BPIFC: variants seen among roughly 807,000 people sequenced by gnomAD.
BPIFC encodes the protein BPI fold-containing family C protein.
BPIFC carries 60 observed loss-of-function variants against 57.6 expected under a neutral mutation model. That is an observed-to-expected ratio of 1.04 (90% CI 0.85 to 1.29). BPIFC has a LOEUF of 1.29. BPIFC is among the 50% of genes most tolerant of loss of function. The probability of loss-of-function intolerance (pLI) is 0.00; values close to 1 mark genes in which losing one functional copy is unlikely to be tolerated. For synonymous variants in BPIFC, 243 were observed against 224.5 expected, an observed-to-expected ratio of 1.08 and a Z score of -0.74; for missense variants, 581 against 600.5, an observed-to-expected ratio of 0.97 and a Z score of 0.34.
At chr22:32,450,067 C>A (rs1411595581) in intron 4 of BPIFC, among the ~76,000 whole-genome samples, 2 of 150,082 alleles carry the variant, frequency 1.3e-5, no homozygotes, top group Non-Finnish European at 3.0e-5. Context: ...GGATGCTGAG[C>A]AGTGGAATTG....
chr22:32,459,912 G>A (rs1935128516), intron 2 of BPIFC, among the ~76,000 whole-genome samples: 1 of 151,992 alleles, frequency 6.6e-6, no homozygotes, highest in Admixed American at 6.6e-5. Context: ...TTAGATAGAG[G>A]GAGGGGTCAG....
At chr22:32,457,559 G>A (rs145971259) in intron 2 of BPIFC, among the ~76,000 whole-genome samples, 173 bp from the exon 3 acceptor site, 82 of 148,904 alleles carry the variant, frequency 5.5e-4, no homozygotes, top group African/African-American at 1.9e-3. Context: ...CCATCCATCC[G>A]TCCATCCATC....
chr22:32,420,939 C>T (rs898922694), intron 13 of BPIFC, among the ~76,000 whole-genome samples: 1 of 152,142 alleles, frequency 6.6e-6, no homozygotes, highest in African/African-American at 2.4e-5. Flanking sequence ...AGAACTGTGC[C>T]TAGCATATCC....
At chr22:32,461,527 C>T in intron 2 of BPIFC, 47 bp downstream of exon 2, 1 of 948,564 alleles carries the variant, frequency 1.1e-6, no homozygotes, top group Non-Finnish European at 1.3e-6. Context: ...TCCTGAGAGG[C>T]AGAGTGACAG....
intron 13 of BPIFC, among the ~76,000 whole-genome samples, chr22:32,423,720 C>T (rs1269599420): frequency 2.0e-5 from 3 of 151,234 alleles, no homozygotes; most frequent in South Asian, 2.1e-4. Flanking sequence ...TCAACAGTAA[C>T]GTACATCTGA....
intron 2 of BPIFC, among the ~76,000 whole-genome samples, chr22:32,457,737 T>C (rs1296131855): frequency 1.3e-5 from 2 of 152,208 alleles, no homozygotes; most frequent in Non-Finnish European, 2.9e-5. Context: ...GTAGTGAATA[T>C]GCATCCTTCA....
chr22:32,423,577 G>GGGGGGTGTGTGTGT (rs1556036074), intron 13 of BPIFC, among the ~76,000 whole-genome samples: 19 of 143,198 alleles, frequency 1.3e-4, no homozygotes, highest in African/African-American at 4.5e-4. Context: ...GTAGGGTGTG[G>GGGGGGTGTGTGTGT]GTGTGTGTGT....
intron 10 of BPIFC, among the ~76,000 whole-genome samples, chr22:32,434,160 A>G (rs1934324411): frequency 6.7e-6 from 1 of 149,412 alleles, no homozygotes; most frequent in African/African-American, 2.4e-5. Context: ...TATTCTTTAT[A>G]TATATATTAC....
At chr22:32,422,570 G>A (rs887143818) in intron 13 of BPIFC, among the ~76,000 whole-genome samples, 1 of 152,100 alleles carries the variant, frequency 6.6e-6, no homozygotes, top group African/African-American at 2.4e-5. Flanking sequence ...AGCCAGGCAT[G>A]GTGGCACGTG....
intron 13 of BPIFC, among the ~76,000 whole-genome samples, chr22:32,429,307 C>T (rs1046576588): frequency 6.1e-5 from 9 of 147,766 alleles, no homozygotes; most frequent in East Asian, 4.2e-4. Flanking sequence ...CCCGAGTTCA[C>T]GCCATTGTCT....
At chr22:32,454,595 C>T (rs1030019704) in intron 3 of BPIFC, among the ~76,000 whole-genome samples, 1 of 152,194 alleles carries the variant, frequency 6.6e-6, no homozygotes, top group Non-Finnish European at 1.5e-5. Context: ...TACTTTCACC[C>T]TTTTCAAGGA....
At position 32,445,962 on chromosome 22, in the gene BPIFC, C is replaced by A; in HGVS notation, c.409G>T (p.Gly137Ter). The A allele has an allele frequency of 6.2e-7, 1 of 1,614,056 alleles. No individual in the cohort carries two copies. The highest frequency in any genetic ancestry group is 1.1e-5 in the South Asian group (1 of 91,070). ...DTGGADLFLS[G>*]VYFTGIIILT... ...ATAATGATACCGGTAAAGTAGACTC[C>A]GGAGAGAAACAGATCAGCCCCTCCT... is the stretch of plus-strand genomic sequence containing the variant. Residue 137 changes from glycine (G) to a stop codon, truncating the protein, a stop_gained, in exon 6 of 17, where the codon GGA (glycine) becomes TGA (stop). Coordinates refer to ENST00000300399, the MANE Select transcript of BPIFC (RefSeq NM_174932.3). LOFTEE classifies it high-confidence loss of function.
intron 15 of BPIFC, among the ~76,000 whole-genome samples, chr22:32,416,270 A>G (rs761653634): frequency 1.3e-4 from 19 of 151,978 alleles, no homozygotes; most frequent in Non-Finnish European, 2.4e-4. Context: ...TTTAGTAGAG[A>G]CAGGGTTTCA....
chr22:32,437,296 G>A (rs1415123875), intron 9 of BPIFC, among the ~76,000 whole-genome samples: 1 of 152,178 alleles, frequency 6.6e-6, no homozygotes, highest in Middle Eastern at 3.2e-3. Flanking sequence ...TAAACATGAG[G>A]CAGTTGCTTG....
chr22:32,461,861 G>A (rs893888141), intron 1 of BPIFC, among the ~76,000 whole-genome samples, 200 bp from the exon 2 acceptor site: 1 of 152,194 alleles, frequency 6.6e-6, no homozygotes, highest in East Asian at 1.9e-4. Context: ...ACAGGCATTA[G>A]AGAGATTTTT....
intron 4 of BPIFC, among the ~76,000 whole-genome samples, chr22:32,448,777 A>T (rs563123608): frequency 6.6e-6 from 1 of 152,180 alleles, no homozygotes; most frequent in African/African-American, 2.4e-5. Flanking sequence ...GTGTCTACTA[A>T]AAATATAAAA....
chr22:32,439,626 T>C (rs988518829), intron 8 of BPIFC, among the ~76,000 whole-genome samples: 13 of 152,112 alleles, frequency 8.5e-5, no homozygotes, highest in Admixed American at 2.6e-4. Flanking sequence ...TTTTCACTTT[T>C]TTTTTTGAGA....
At chr22:32,425,096 A>C (rs1487696634) in intron 13 of BPIFC, among the ~76,000 whole-genome samples, 1 of 152,034 alleles carries the variant, frequency 6.6e-6, no homozygotes, top group Non-Finnish European at 1.5e-5. Flanking sequence ...CTTATTTTCT[A>C]AGTCAAAGCT....
chr22:32,437,759 C>A lies in BPIFC; in HGVS notation c.747+1G>T, dbSNP rs763768001. On this transcript the variant is annotated splice_donor_variant, in intron 9 of 16. Coordinates refer to ENST00000300399, the MANE Select transcript of BPIFC (RefSeq NM_174932.3). LOFTEE classifies it high-confidence loss of function. ...GAGGATTCTGATGATGATAAAGTTA[C>A]CTTCAAGTTCAGGTCAAGGTAGTTC... The A allele has an allele frequency of 6.3e-7, 1 of 1,584,586 alleles. No individual in the cohort carries two copies. The highest frequency in any genetic ancestry group is 8.7e-7 in the Non-Finnish European group (1 of 1,153,366).
Sources: gnomAD v4.1 joint callset for allele counts (sites outside exome capture counted in the v4.1 genomes callset) on GRCh38, gnomAD v4.1.1 for gene constraint, MANE v1.5 for transcripts, NCBI Gene and HGNC (gene_info 2026-07-23, HGNC 2026-07-21) for gene names.